OTULINL: variants seen among roughly 807,000 people sequenced by gnomAD.
OTULINL encodes the protein inactive ubiquitin thioesterase OTULINL.
A neutral mutation model predicts 43.9 loss-of-function variants in OTULINL; 42 were observed. That is an observed-to-expected ratio of 0.96 (90% CI 0.75 to 1.24). The LOEUF (loss-of-function observed/expected upper bound fraction) is 1.24, where lower values mean the gene tolerates loss of function less well. Ranked by LOEUF, OTULINL falls within the 50% of genes most tolerant of loss-of-function variation. The pLI is 0.00. For missense variants in OTULINL, 411 were observed against 426.4 expected, an observed-to-expected ratio of 0.96 and a Z score of 0.32; for synonymous variants, 172 against 153.6, an observed-to-expected ratio of 1.12 and a Z score of -0.88.
intron 7 of OTULINL, among the ~76,000 whole-genome samples, 170 bp from the exon 8 acceptor site, chr5:14,609,971 C>T (rs1329448928): frequency 6.6e-6 from 1 of 152,214 alleles, no homozygotes; most frequent in East Asian, 1.9e-4. Flanking sequence ...CCCCTTCCTT[C>T]CACACAATGA....
At chr5:14,606,548 A>G (rs1244087000) in intron 5 of OTULINL, among the ~76,000 whole-genome samples, 2 of 152,216 alleles carry the variant, frequency 1.3e-5, no homozygotes, top group African/African-American at 4.8e-5. Context: ...TCCTAACAAG[A>G]GTCCTATAAA....
rs535927180 is a variant in OTULINL at position 14,589,781 on chromosome 5, A to G, written c.64+7823A>G. 9.5e-4 allele frequency among the ~76,000 whole-genome samples: 145 copies of G among 152,168 alleles called. 2 individuals carry two copies. Among genetic ancestry groups the G allele is most frequent in the Admixed American group, 8.0e-3 (122 of 15,288 alleles). On this transcript the variant is annotated intron_variant, in intron 1 of 7. Coordinates refer to ENST00000274217, the MANE Select transcript of OTULINL (RefSeq NM_019018.3). ...GCCTGGCCAACATGGTAAAACCCCT[A>G]TTTCTACTGAAAATACAAAAATTAG... is the stretch of plus-strand genomic sequence containing the variant.
chr5:14,583,108 G>GT (rs1759044270), intron 1 of OTULINL, among the ~76,000 whole-genome samples: 1 of 152,190 alleles, frequency 6.6e-6, no homozygotes, highest in Non-Finnish European at 1.5e-5. Flanking sequence ...TGCGGGGATT[G>GT]TTTATGAATT....
At position 14,601,099 on chromosome 5, in the gene OTULINL, T is replaced by G; in HGVS notation, c.199T>G (p.Leu67Val). 2 of 1,612,764 alleles carry G rather than the reference T, an allele frequency of 1.2e-6. No individual in the cohort carries two copies. Among genetic ancestry groups the G allele is most frequent in the Non-Finnish European group, 1.7e-6 (2 of 1,179,576 alleles). ...CATCTGCTACTTCCGGAGGCTACAT[T>G]TATATTCAGGGCACAAGCTGAAATG... Reference protein sequence around the residue: ...AAICYFRRLHLYSGHKLKWWI... With the variant: ...AAICYFRRLHVYSGHKLKWWI... Residue 67 changes from leucine (L) to valine (V), a missense_variant, in exon 2 of 8, where the codon TTA becomes GTA. By Grantham distance (32) the Leu-to-Val change is conservative. Transcript: ENST00000274217.
intron 1 of OTULINL, 46 bp downstream of exon 1, chr5:14,582,004 A>G: frequency 8.3e-7 from 1 of 1,208,600 alleles, no homozygotes; most frequent in Non-Finnish European, 1.0e-6. Context: ...GCGAGCAGGG[A>G]CCGTCAAGGC....
At chr5:14,590,597 G>T (rs1361115774) in intron 1 of OTULINL, among the ~76,000 whole-genome samples, 1 of 152,216 alleles carries the variant, frequency 6.6e-6, no homozygotes, top group Non-Finnish European at 1.5e-5. Flanking sequence ...AGGTGGCCAA[G>T]GAGGCTTCTG....
chr5:14,601,654 G>A (rs1217244707), intron 4 of OTULINL, among the ~76,000 whole-genome samples: 4 of 152,222 alleles, frequency 2.6e-5, no homozygotes, highest in African/African-American at 7.2e-5. Flanking sequence ...GGCTCAGGTC[G>A]ATGAGGTCTG....
intron 1 of OTULINL, among the ~76,000 whole-genome samples, chr5:14,596,850 GGTATTA>G (rs1175905511): frequency 1.3e-5 from 2 of 152,096 alleles, no homozygotes; most frequent in Non-Finnish European, 2.9e-5. Flanking sequence ...GTGGTGAGAG[GGTATTA>G]GCATGCAGGT....
chr5:14,602,275 G>C lies in OTULINL; in HGVS notation c.441G>C (p.Gln147His), dbSNP rs1450077364. Residue 147 changes from glutamine (Q) to histidine (H), a missense_variant, in exon 5 of 8, where the codon CAG becomes CAC. Physicochemically the swap from Gln to His is conservative, Grantham distance 24. Transcript: ENST00000274217. ...ATGCTCTCAGATCAGTGTTATTTCA[G>C]ATATTCAGCCAGGGCATCTCTTTTC... The part of the protein sequence containing the change: ...NYDALRSVLF[Q>H]IFSQGISFPS... The C allele has an allele frequency of 6.2e-7, 1 of 1,613,856 alleles. No homozygotes were observed. Among genetic ancestry groups the C allele is most frequent in the Non-Finnish European group, 8.5e-7 (1 of 1,179,836 alleles).
intron 1 of OTULINL, among the ~76,000 whole-genome samples, chr5:14,596,484 G>T (rs1759290023): frequency 6.6e-6 from 1 of 152,182 alleles, no homozygotes; most frequent in South Asian, 2.1e-4. Flanking sequence ...TCTCATTACG[G>T]TGTTTTCTTC....
intron 1 of OTULINL, among the ~76,000 whole-genome samples, chr5:14,598,185 T>C (rs910767541): frequency 6.6e-6 from 1 of 152,198 alleles, no homozygotes; most frequent in African/African-American, 2.4e-5. Flanking sequence ...CGAGAGCATG[T>C]GTCCGTGGAG....
intron 1 of OTULINL, among the ~76,000 whole-genome samples, chr5:14,589,938 T>C (rs1759170068): frequency 6.6e-6 from 1 of 151,468 alleles, no homozygotes; most frequent in African/African-American, 2.4e-5. Context: ...TGAGAATCAA[T>C]CTGAAAAAAA....
Position 14,593,903 on chromosome 5 carries a change from A to G in OTULINL, c.65-7062A>G, listed in dbSNP as rs575289197. Reference sequence around the variant, plus strand: ...GCATAAGTGGGTTGCATGACAGCCTACAGTTGAATGTCTTAGTGGTCATGA... The same window carrying G: ...GCATAAGTGGGTTGCATGACAGCCTGCAGTTGAATGTCTTAGTGGTCATGA... On this transcript the variant is annotated intron_variant, in intron 1 of 7. Coordinates refer to ENST00000274217, the MANE Select transcript of OTULINL (RefSeq NM_019018.3). 2.0e-5 allele frequency among the ~76,000 whole-genome samples: 3 copies of G among 152,318 alleles called. No homozygotes were observed. In the East Asian group the frequency reaches 5.8e-4, roughly 29 times the overall value.
intron 1 of OTULINL, among the ~76,000 whole-genome samples, chr5:14,600,054 T>G (rs1759357119): frequency 6.6e-6 from 1 of 152,212 alleles, no homozygotes; most frequent in South Asian, 2.1e-4. Context: ...ATGGTTTGGC[T>G]CTGTCCCTAC....
rs142947540 is a variant in OTULINL, at chr5:14,596,937, C to T, written c.65-4028C>T. On this transcript the variant is annotated intron_variant, in intron 1 of 7. Transcript: ENST00000274217. ...TAATCCTAATTATTTCCCAAAGGCC[C>T]CACCTCCAATCATCATATGAATTTT... 4.6e-5 allele frequency among the ~76,000 whole-genome samples: 7 copies of T among 152,200 alleles called. No homozygotes were observed. The East Asian group carries it at 1.3e-3, about 29-fold the overall frequency.
chr5:14,604,113 C>G (rs552569724), intron 5 of OTULINL, among the ~76,000 whole-genome samples: 1 of 152,128 alleles, frequency 6.6e-6, no homozygotes, highest in Admixed American at 6.5e-5. Context: ...GGGAGTATCT[C>G]TGGAGGCCAG....
intron 7 of OTULINL, among the ~76,000 whole-genome samples, chr5:14,609,480 A>T (rs1456349431): frequency 6.6e-6 from 1 of 152,254 alleles, no homozygotes; most frequent in African/African-American, 2.4e-5. Context: ...GAACAAAATT[A>T]TCTGACATTT....
intron 1 of OTULINL, among the ~76,000 whole-genome samples, chr5:14,582,832 A>G (rs1009559571): frequency 1.7e-4 from 26 of 151,234 alleles, no homozygotes; most frequent in African/African-American, 6.1e-4. Flanking sequence ...AAAAAAAAAA[A>G]AAAAAAATCA....
Position 14,581,841 on chromosome 5 carries a change from A to G in OTULINL, c.-54A>G. The G allele has an allele frequency of 7.6e-7, 1 of 1,314,688 alleles. No individual in the cohort carries two copies. The highest frequency in any genetic ancestry group is 9.7e-7 in the Non-Finnish European group (1 of 1,029,968). 81.4% of individuals were successfully genotyped at this position (1,314,688 alleles called of 1,614,324 possible). On this transcript the variant is annotated 5_prime_UTR_variant, in exon 1 of 8. Transcript: ENST00000274217. ...CCGGCGGGCGGCCGTCGCGTCTGAC[A>G]GACCACTGCAGACCACGGGCCGAGG...
Sources: gnomAD v4.1 joint callset for allele counts (sites outside exome capture counted in the v4.1 genomes callset) on GRCh38, gnomAD v4.1.1 for gene constraint, MANE v1.5 for transcripts, NCBI Gene and HGNC (gene_info 2026-07-23, HGNC 2026-07-21) for gene names.